FMNL2: variants seen among roughly 807,000 people sequenced by gnomAD.
FMNL2 encodes the protein formin-like protein 2.
In FMNL2, 51 loss-of-function variants were observed where a neutral mutation model predicts 130.2. That is an observed-to-expected ratio of 0.39 (90% CI 0.31 to 0.49). The LOEUF (loss-of-function observed/expected upper bound fraction) is 0.49. FMNL2 is among the 20% of genes least tolerant of loss of function. FMNL2 has a pLI of 0.85. For missense variants in FMNL2, 977 were observed against 1,316.2 expected (o/e 0.74, Z 3.99); for synonymous variants, 465 against 467.1 (o/e 1.00, Z 0.06).
chr2:152,389,845 C>A, intron 1 of FMNL2: 2 of 1,118,704 alleles, frequency 1.8e-6, no homozygotes, highest in Non-Finnish European at 2.7e-6. Context: ...GCTTATCATA[C>A]AGACTTTCAG....
At chr2:152,533,866 T>C (rs1047791124) in intron 2 of FMNL2, among the ~76,000 whole-genome samples, 3 of 152,180 alleles carry the variant, frequency 2.0e-5, no homozygotes, top group Admixed American at 2.0e-4. Context: ...TTGGGTGCTA[T>C]TTTAAGGGAT....
intron 1 of FMNL2, among the ~76,000 whole-genome samples, chr2:152,388,653 C>T (rs1684926582): frequency 1.3e-5 from 2 of 152,198 alleles, no homozygotes; most frequent in South Asian, 4.1e-4. Context: ...TCTCTAATCA[C>T]AGCTTAATTA....
At chr2:152,360,500 T>C (rs940722838) in intron 1 of FMNL2, among the ~76,000 whole-genome samples, 12 of 151,900 alleles carry the variant, frequency 7.9e-5, no homozygotes, top group Admixed American at 5.9e-4. Flanking sequence ...CCAGCTACGC[T>C]TTTTTTTGTT....
intron 1 of FMNL2, among the ~76,000 whole-genome samples, chr2:152,466,918 C>T (rs1415102161): frequency 2.6e-5 from 4 of 152,192 alleles, no homozygotes; most frequent in Admixed American, 1.3e-4. Flanking sequence ...TGCCGCTTCT[C>T]TTCCTAATAA....
chr2:152,378,576 A>C (rs777356294), intron 1 of FMNL2, among the ~76,000 whole-genome samples: 3 of 152,200 alleles, frequency 2.0e-5, no homozygotes, highest in Non-Finnish European at 2.9e-5. Flanking sequence ...AATCAGAAGA[A>C]CTAATGTTTA....
intron 1 of FMNL2, among the ~76,000 whole-genome samples, chr2:152,500,094 T>A (rs1050853337): frequency 2.0e-5 from 3 of 151,886 alleles, no homozygotes; most frequent in African/African-American, 7.3e-5. Flanking sequence ...AGCAGAACAG[T>A]GAATTAGTGC....
At chr2:152,441,064 G>A (rs966071778) in intron 1 of FMNL2, among the ~76,000 whole-genome samples, 3 of 152,188 alleles carry the variant, frequency 2.0e-5, no homozygotes, top group South Asian at 4.1e-4. Context: ...TGTAGACCAT[G>A]TAATATGTGC....
At chr2:152,552,051 A>G (rs902309543) in intron 4 of FMNL2, among the ~76,000 whole-genome samples, 1 of 152,186 alleles carries the variant, frequency 6.6e-6, no homozygotes, top group Non-Finnish European at 1.5e-5. Context: ...GCCCCTTTCT[A>G]GTTATTTGAC....
chr2:152,586,839 G>A (rs1697105703), intron 9 of FMNL2, among the ~76,000 whole-genome samples: 1 of 152,112 alleles, frequency 6.6e-6, no homozygotes, highest in Non-Finnish European at 1.5e-5. Flanking sequence ...TTTTGCTGTG[G>A]ATACGAAAGT....
intron 6 of FMNL2, among the ~76,000 whole-genome samples, chr2:152,565,956 T>C (rs1168718564): frequency 6.6e-6 from 1 of 152,156 alleles, no homozygotes; most frequent in Non-Finnish European, 1.5e-5. Flanking sequence ...ATTTTTAATT[T>C]TTTCTGTAGA....
chr2:152,617,579 A>T (rs1335301674), intron 13 of FMNL2, among the ~76,000 whole-genome samples: 1 of 152,128 alleles, frequency 6.6e-6, no homozygotes, highest in African/African-American at 2.4e-5. Flanking sequence ...CTTTGCTTCC[A>T]CTCAAAACCA....
chr2:152,471,221 ATTT>A (rs1689843164), intron 1 of FMNL2, among the ~76,000 whole-genome samples: 1 of 151,776 alleles, frequency 6.6e-6, no homozygotes, highest in Non-Finnish European at 1.5e-5. Flanking sequence ...GTGCCCTTAC[ATTT>A]TGCTCTTTGT....
intron 9 of FMNL2, among the ~76,000 whole-genome samples, chr2:152,590,815 C>T (rs1248475388): frequency 6.6e-6 from 1 of 151,556 alleles, no homozygotes; most frequent in African/African-American, 2.4e-5. Flanking sequence ...TATATGTGTG[C>T]ACAGTAATAA....
chr2:152,577,320 G>A (rs527894558), intron 7 of FMNL2, among the ~76,000 whole-genome samples: 78 of 152,308 alleles, frequency 5.1e-4, no homozygotes, highest in African/African-American at 1.8e-3. Flanking sequence ...CTGCAGGATA[G>A]ATGGATTTGA....
intron 1 of FMNL2, among the ~76,000 whole-genome samples, chr2:152,398,945 C>T (rs1288370913): frequency 6.6e-6 from 1 of 152,158 alleles, no homozygotes. Context: ...GTCATTTGAG[C>T]TGGGCATAGA....
intron 1 of FMNL2, among the ~76,000 whole-genome samples, chr2:152,388,451 G>GAAACCATCAGATCTC (rs1270536662): frequency 1.3e-5 from 2 of 152,084 alleles, no homozygotes; most frequent in Non-Finnish European, 2.9e-5. Flanking sequence ...AAGCCCTTAC[G>GAAACCATCAGATCTC]AAACCATCAG....
intron 1 of FMNL2, among the ~76,000 whole-genome samples, chr2:152,435,135 A>T (rs1041105115): frequency 2.6e-5 from 4 of 152,140 alleles, no homozygotes; most frequent in Admixed American, 2.0e-4. Flanking sequence ...TTTGACTCAG[A>T]TACCTGTACA....
chr2:152,553,038 A>T (rs1392788788), intron 4 of FMNL2, among the ~76,000 whole-genome samples: 2 of 152,152 alleles, frequency 1.3e-5, no homozygotes, highest in African/African-American at 4.8e-5. Flanking sequence ...ATGAGATGGC[A>T]GAAGGAATGT....
At chr2:152,484,256 C>G (rs564983762) in intron 1 of FMNL2, among the ~76,000 whole-genome samples, 1 of 152,278 alleles carries the variant, frequency 6.6e-6, no homozygotes, top group South Asian at 2.1e-4. Context: ...TTGCCTCAGT[C>G]CAAGGTCTTG....
Sources: gnomAD v4.1 joint callset for allele counts (sites outside exome capture counted in the v4.1 genomes callset) on GRCh38, gnomAD v4.1.1 for gene constraint, MANE v1.5 for transcripts, NCBI Gene and HGNC (gene_info 2026-07-23, HGNC 2026-07-21) for gene names.